The following UBE2E2 variants were observed in gnomAD, a reference collection of about 807,000 sequenced individuals.
UBE2E2 encodes ubiquitin conjugating enzyme E2 E2.
UBE2E2 carries 6 observed loss-of-function variants against 24.7 expected under a neutral mutation model. That is an observed-to-expected ratio of 0.24 (90% CI 0.13 to 0.48). The LOEUF is 0.48. Among genes scored for constraint, UBE2E2 ranks in the 20% least tolerant of loss-of-function variants. The pLI is 0.99. For synonymous variants in UBE2E2, 104 were observed against 83.6 expected, an observed-to-expected ratio of 1.24 and a Z score of -1.33; for missense variants, 169 against 245.0, an observed-to-expected ratio of 0.69 and a Z score of 2.07.
At chr3:23,535,130 A>ATATCACAT (rs1391389742) in intron 5 of UBE2E2, among the ~76,000 whole-genome samples, 2 of 152,220 alleles carry the variant, frequency 1.3e-5, no homozygotes, top group African/African-American at 2.4e-5. Context: ...TTTATTAGTC[A>ATATCACAT]TATCACATTG....
At chr3:23,237,245 G>C (rs1697136450) in intron 3 of UBE2E2, among the ~76,000 whole-genome samples, 1 of 152,082 alleles carries the variant, frequency 6.6e-6, no homozygotes, top group Admixed American at 6.6e-5. Flanking sequence ...AGGCTTGCGT[G>C]CATTTCTTTT....
At chr3:23,346,808 T>G (rs1289517851) in intron 3 of UBE2E2, among the ~76,000 whole-genome samples, 1 of 152,212 alleles carries the variant, frequency 6.6e-6, no homozygotes, top group Non-Finnish European at 1.5e-5. Flanking sequence ...CTTTGTGATG[T>G]TTTTGAAAAC....
At chr3:23,362,558 G>C (rs939450295) in intron 3 of UBE2E2, among the ~76,000 whole-genome samples, 1 of 152,154 alleles carries the variant, frequency 6.6e-6, no homozygotes, top group African/African-American at 2.4e-5. Flanking sequence ...GCTTCTGTCT[G>C]AACTCGGACA....
chr3:23,469,196 A>G (rs185253676), intron 3 of UBE2E2, among the ~76,000 whole-genome samples: 3 of 152,296 alleles, frequency 2.0e-5, no homozygotes, highest in African/African-American at 4.8e-5. Flanking sequence ...CATGGCAAAA[A>G]GAGAATAAGA....
intron 3 of UBE2E2, among the ~76,000 whole-genome samples, chr3:23,297,750 G>C (rs1575541814): frequency 6.6e-6 from 1 of 152,168 alleles, no homozygotes; most frequent in Non-Finnish European, 1.5e-5. Flanking sequence ...TTTTGGCTTA[G>C]GATTGACTTG....
chr3:23,578,107 A>G (rs1207638716), intron 5 of UBE2E2, among the ~76,000 whole-genome samples: 10 of 152,172 alleles, frequency 6.6e-5, no homozygotes, highest in Non-Finnish European at 1.3e-4. Context: ...AAGAAAAAAA[A>G]TTTAAAAGTG....
intron 5 of UBE2E2, among the ~76,000 whole-genome samples, chr3:23,570,290 C>T (rs1256359436): frequency 1.3e-5 from 2 of 152,122 alleles, no homozygotes; most frequent in East Asian, 1.9e-4. Context: ...TCCATGCCTT[C>T]TGGGTAACAG....
intron 4 of UBE2E2, among the ~76,000 whole-genome samples, chr3:23,505,599 T>C (rs1694428743): frequency 6.6e-6 from 1 of 152,220 alleles, no homozygotes; most frequent in South Asian, 2.1e-4. Context: ...ATCAGTAAAG[T>C]GTCTGTAAGT....
At chr3:23,234,575 G>A (rs1408941975) in intron 3 of UBE2E2, among the ~76,000 whole-genome samples, 7 of 152,138 alleles carry the variant, frequency 4.6e-5, no homozygotes, top group African/African-American at 7.2e-5. Context: ...CGATATTTAC[G>A]TGTTGACAGC....
chr3:23,224,276 T>C (rs1242746502), intron 3 of UBE2E2, among the ~76,000 whole-genome samples: 1 of 151,680 alleles, frequency 6.6e-6, no homozygotes, highest in Non-Finnish European at 1.5e-5. Flanking sequence ...AATATTGTTA[T>C]AGTTCTTCTA....
intron 3 of UBE2E2, among the ~76,000 whole-genome samples, chr3:23,221,777 C>T (rs764410227): frequency 1.8e-4 from 27 of 152,170 alleles, no homozygotes; most frequent in Non-Finnish European, 2.4e-4. Context: ...GCTGGAATTA[C>T]AGGCGTGCGC....
chr3:23,304,713 G>A (rs1175378810), intron 3 of UBE2E2, among the ~76,000 whole-genome samples: 2 of 152,160 alleles, frequency 1.3e-5, no homozygotes, highest in African/African-American at 2.4e-5. Context: ...TTAACAAGTG[G>A]TAATTTCTGT....
chr3:23,588,410 G>GTTT (rs199679364), intron 5 of UBE2E2, among the ~76,000 whole-genome samples: 8 of 130,030 alleles, frequency 6.2e-5, no homozygotes, highest in East Asian at 2.2e-4. Flanking sequence ...TTGTTTTTTT[G>GTTT]TTTTTTTTTT....
chr3:23,276,311 T>A (rs1334410004), intron 3 of UBE2E2, among the ~76,000 whole-genome samples: 1 of 152,182 alleles, frequency 6.6e-6, no homozygotes, highest in Non-Finnish European at 1.5e-5. Context: ...ATTTTAAATT[T>A]TAGTTTTAAG....
Position 23,380,489 on chromosome 3 carries a change from G to A in UBE2E2, c.228-119119G>A, listed in dbSNP as rs200227814. Among the ~76,000 whole-genome samples the A allele has an allele frequency of 1.0e-3, 153 of 152,320 alleles. 2 individuals are homozygous for A. Among genetic ancestry groups the A allele is most frequent in the East Asian group, 4.8e-3 (25 of 5,182 alleles). On this transcript the variant is annotated intron_variant, in intron 3 of 5. Transcript: ENST00000396703. ...GATCCTCCCGCCTCCACCTGCCAGT[G>A]CTGGGATTATAGACGTGAGCCACCG...
At chr3:23,476,679 C>T (rs939815519) in intron 3 of UBE2E2, among the ~76,000 whole-genome samples, 2 of 151,946 alleles carry the variant, frequency 1.3e-5, no homozygotes, top group African/African-American at 4.8e-5. Context: ...CAGAGCAAGA[C>T]CCTGTCTCAA....
chr3:23,306,803 G>C (rs746043450), intron 3 of UBE2E2, among the ~76,000 whole-genome samples: 2 of 152,120 alleles, frequency 1.3e-5, no homozygotes, highest in Non-Finnish European at 2.9e-5. Context: ...CAACTGATGG[G>C]TGCATGATGT....
intron 3 of UBE2E2, among the ~76,000 whole-genome samples, chr3:23,403,808 C>CAAA (rs375422962): frequency 3.7e-5 from 3 of 82,184 alleles, no homozygotes; most frequent in Non-Finnish European, 5.5e-5. Flanking sequence ...ATTCCGTCTC[C>CAAA]AAAAAAAAAA....
At chr3:23,514,995 G>C (rs1694696198) in intron 4 of UBE2E2, among the ~76,000 whole-genome samples, 1 of 152,096 alleles carries the variant, frequency 6.6e-6, no homozygotes, top group Non-Finnish European at 1.5e-5. Context: ...CTGAATTTCT[G>C]ATTAATCATT....
Sources: allele counts gnomAD v4.1 joint callset (sites outside exome capture counted in the v4.1 genomes callset), GRCh38; gene constraint gnomAD v4.1.1; transcripts MANE v1.5; gene names NCBI Gene and HGNC (gene_info 2026-07-23, HGNC 2026-07-21).